Variants in COPS4 observed in about 807,000 individuals in gnomAD.
COPS4 encodes COP9 signalosome subunit 4, also known as COP9 signalosome complex subunit 4.
In COPS4, 8 loss-of-function variants were observed where a neutral mutation model predicts 55.1. The ratio of observed to expected loss-of-function variants is 0.15; its 90% CI spans 0.09 to 0.26. COPS4 has a LOEUF of 0.26. Ranked by LOEUF, COPS4 falls within the 10% of genes least tolerant of loss-of-function variation. COPS4 has a pLI of 1.00. For missense variants in COPS4, 248 were observed against 484.0 expected (o/e 0.51, Z 4.58); for synonymous variants, 185 against 165.7 (o/e 1.12, Z -0.90).
intron 4 of COPS4, among the ~76,000 whole-genome samples, chr4:83,056,537 G>A (rs1340802748): frequency 6.6e-6 from 1 of 152,088 alleles, no homozygotes; most frequent in Non-Finnish European, 1.5e-5. Context: ...AGTGGCTCAC[G>A]CCTGTAATCC....
At chr4:83,070,837 G>T (rs1024302658) in intron 9 of COPS4, among the ~76,000 whole-genome samples, 5 of 152,196 alleles carry the variant, frequency 3.3e-5, no homozygotes, top group African/African-American at 7.2e-5. Context: ...ACACTGTAAT[G>T]AATGTCTTCC....
chr4:83,042,411 C>T (rs973489084), intron 1 of COPS4, among the ~76,000 whole-genome samples: 2 of 151,780 alleles, frequency 1.3e-5, no homozygotes, highest in Non-Finnish European at 2.9e-5. Context: ...TTATGTTATT[C>T]TGAAAAAGTA....
chr4:83,049,548 G>A, intron 3 of COPS4: 1 of 494,236 alleles, frequency 2.0e-6, no homozygotes, highest in Non-Finnish European at 3.5e-6. Context: ...TTGCTCTCTA[G>A]ACAATTTTTT....
chr4:83,060,948 C>A (rs1731150870), intron 6 of COPS4, among the ~76,000 whole-genome samples: 1 of 151,366 alleles, frequency 6.6e-6, no homozygotes, highest in Non-Finnish European at 1.5e-5. Context: ...GCAGGAGAAT[C>A]ATTTGAACCC....
chr4:83,045,536 A>G (rs2126128603), intron 1 of COPS4, 90 bp from the exon 2 acceptor site: 4 of 997,690 alleles, frequency 4.0e-6, no homozygotes, highest in Non-Finnish European at 6.2e-6. Context: ...AAAGAAACCA[A>G]GGTATGTAGA....
Position 83,075,334 on chromosome 4 carries a change from A to G in COPS4, c.1125A>G (p.Gln375=). ...TGCCAACGTGGGATAAGCAGATCCA[A>G]TCACTTTGTTTCCAAGTGAATAACC... is the stretch of plus-strand genomic sequence containing the variant. ...EALPTWDKQI[Q]SLCFQVNNLL... Residue 375 remains glutamine, a synonymous_variant, in exon 10 of 10, where the codon CAA becomes CAG. Coordinates refer to ENST00000264389, the MANE Select transcript of COPS4 (RefSeq NM_016129.3). 6.2e-7 allele frequency: 1 copy of G among 1,614,086 alleles called. No homozygotes were observed. Among genetic ancestry groups the G allele is most frequent in the South Asian group, 1.1e-5 (1 of 91,086 alleles).
At chr4:83,039,687 A>T (rs975485491) in intron 1 of COPS4, among the ~76,000 whole-genome samples, 3 of 152,180 alleles carry the variant, frequency 2.0e-5, no homozygotes, top group Non-Finnish European at 4.4e-5. Flanking sequence ...GCTTGAGTGC[A>T]GTAGAGAGAT....
chr4:83,039,683 G>T (rs1465396823), intron 1 of COPS4, among the ~76,000 whole-genome samples: 1 of 152,140 alleles, frequency 6.6e-6, no homozygotes. Context: ...CCTGGCTTGA[G>T]TGCAGTAGAG....
intron 7 of COPS4, among the ~76,000 whole-genome samples, chr4:83,063,581 G>A (rs1029976484): frequency 3.3e-5 from 5 of 149,532 alleles, no homozygotes; most frequent in African/African-American, 1.2e-4. Context: ...CTAATTTTTT[G>A]TACTTTTAGT....
At chr4:83,047,761 G>A (rs1167829461) in intron 2 of COPS4, among the ~76,000 whole-genome samples, 1 of 152,204 alleles carries the variant, frequency 6.6e-6, no homozygotes, top group Non-Finnish European at 1.5e-5. Flanking sequence ...AGCACTTTGG[G>A]AGACCGAGAT....
In COPS4 at chr4:83,066,500, A is replaced by G; in HGVS notation, c.949A>G (p.Asn317Asp). The G allele has an allele frequency of 6.2e-7, 1 of 1,602,164 alleles. No homozygotes were observed. The highest frequency in any genetic ancestry group is 1.1e-5 in the South Asian group (1 of 87,560). Reference sequence around the variant, plus strand: ...TTTGTTGTCTGCAAGCAAATTATATAATAATATTACCTTCGAAGAACTTGG... The same window carrying G: ...TTTGTTGTCTGCAAGCAAATTATATGATAATATTACCTTCGAAGAACTTGG... ...HNLLSASKLY[N>D]NITFEELGAL... The change falls in exon 8 of 10, where the codon AAT becomes GAT. Residue 317 changes from asparagine to aspartate, a missense_variant. Physicochemically the swap from Asn to Asp is conservative, Grantham distance 23. Coordinates refer to ENST00000264389, the MANE Select transcript of COPS4 (RefSeq NM_016129.3).
At chr4:83,037,730 C>T (rs903655233) in intron 1 of COPS4, among the ~76,000 whole-genome samples, 2 of 151,616 alleles carry the variant, frequency 1.3e-5, no homozygotes, top group Non-Finnish European at 2.9e-5. Flanking sequence ...ACAAAGGATT[C>T]CATATTAAAG....
chr4:83,040,457 C>T (rs980120000), intron 1 of COPS4, among the ~76,000 whole-genome samples: 2 of 152,174 alleles, frequency 1.3e-5, no homozygotes, highest in Non-Finnish European at 2.9e-5. Flanking sequence ...GAATTTGTAA[C>T]CTTACTTCCA....
intron 1 of COPS4, among the ~76,000 whole-genome samples, chr4:83,044,262 T>C (rs972926355): frequency 4.0e-5 from 6 of 149,582 alleles, no homozygotes; most frequent in Non-Finnish European, 7.4e-5. Flanking sequence ...CTGGCCAACA[T>C]GCGGAAACCC....
chr4:83,042,449 C>T (rs1431317585), intron 1 of COPS4, among the ~76,000 whole-genome samples: 1 of 151,490 alleles, frequency 6.6e-6, no homozygotes, highest in Non-Finnish European at 1.5e-5. Flanking sequence ...CTAGAATTTA[C>T]ATATTAGAGA....
At chr4:83,038,623 GTTTT>G (rs1553895363) in intron 1 of COPS4, among the ~76,000 whole-genome samples, 1 of 6,994 alleles carries the variant, frequency 1.4e-4, no homozygotes, top group African/African-American at 3.8e-4. Flanking sequence ...GCACTTACCT[GTTTT>G]TTTTGTTTGT....
chr4:83,035,949 T>G (rs1730405171), intron 1 of COPS4: 1 of 152,542 alleles, frequency 6.6e-6, no homozygotes, highest in South Asian at 2.0e-4. Flanking sequence ...TGTCGAAATT[T>G]ATATAGAATG....
At chr4:83,049,113 A>G in intron 2 of COPS4, 53 bp from the exon 3 acceptor site, 2 of 1,517,248 alleles carry the variant, frequency 1.3e-6, no homozygotes, top group East Asian at 4.5e-5. Context: ...TTGATTGTTT[A>G]ATGACAATTT....
intron 4 of COPS4, among the ~76,000 whole-genome samples, chr4:83,050,610 C>G (rs1292874622): frequency 6.6e-6 from 1 of 152,062 alleles, no homozygotes; most frequent in East Asian, 1.9e-4. Flanking sequence ...CTGCACCTGG[C>G]CGAATATCAT....
Sources: gnomAD v4.1 joint callset for allele counts (sites outside exome capture counted in the v4.1 genomes callset) on GRCh38, gnomAD v4.1.1 for gene constraint, MANE v1.5 for transcripts, NCBI Gene and HGNC (gene_info 2026-07-23, HGNC 2026-07-21) for gene names.